FAR2: variants seen among roughly 807,000 people sequenced by gnomAD.
The protein encoded by FAR2 is epididymis secretory protein Li 81.
Under a neutral mutation model 56.0 loss-of-function variants are expected in FAR2, and 19 were observed. The ratio of observed to expected loss-of-function variants is 0.34; its 90% CI spans 0.24 to 0.50. FAR2 has a LOEUF of 0.50. FAR2 is among the 20% of genes least tolerant of loss of function. The pLI is 0.98. For missense variants in FAR2, 508 were observed against 642.2 expected (o/e 0.79, Z 2.26); for synonymous variants, 219 against 218.8 (o/e 1.00, Z -0.01).
intron 1 of FAR2, among the ~76,000 whole-genome samples, chr12:29,237,989 A>G (rs1947966814): frequency 6.6e-6 from 1 of 152,176 alleles, no homozygotes; most frequent in Non-Finnish European, 1.5e-5. Flanking sequence ...AACATTATGC[A>G]TGGGTAAAAT....
chr12:29,200,388 T>G (rs193203413), intron 1 of FAR2, among the ~76,000 whole-genome samples: 88 of 150,216 alleles, frequency 5.9e-4, no homozygotes, highest in Admixed American at 1.9e-3. Flanking sequence ...GAGAATAGAG[T>G]TTCAAAGCCG....
intron 1 of FAR2, among the ~76,000 whole-genome samples, chr12:29,211,475 T>G (rs1163817948): frequency 6.6e-6 from 1 of 152,182 alleles, no homozygotes; most frequent in African/African-American, 2.4e-5. Flanking sequence ...CCTAGCAAGT[T>G]AAGTATATCA....
intron 1 of FAR2, among the ~76,000 whole-genome samples, chr12:29,191,123 C>A (rs188216611): frequency 3.9e-5 from 6 of 152,306 alleles, no homozygotes; most frequent in Admixed American, 3.9e-4. Context: ...CTTTCCATAC[C>A]TAGCTGAAAA....
intron 1 of FAR2, among the ~76,000 whole-genome samples, chr12:29,240,201 A>C (rs1948005221): frequency 6.6e-6 from 1 of 152,210 alleles, no homozygotes; most frequent in African/African-American, 2.4e-5. Flanking sequence ...GACAGGTTGG[A>C]GTCAACCTTC....
chr12:29,215,848 AT>A (rs1260668648), intron 1 of FAR2, among the ~76,000 whole-genome samples: 31 of 152,182 alleles, frequency 2.0e-4, no homozygotes, highest in African/African-American at 7.0e-4. Context: ...TTAAAAGAGT[AT>A]AAGAACGATT....
intron 1 of FAR2, among the ~76,000 whole-genome samples, chr12:29,207,419 G>A (rs969373564): frequency 6.6e-6 from 1 of 152,156 alleles, no homozygotes; most frequent in African/African-American, 2.4e-5. Flanking sequence ...TAGTAGCCAG[G>A]AGGGGTCACC....
chr12:29,261,370 T>C (rs1327426147), intron 1 of FAR2, among the ~76,000 whole-genome samples: 1 of 152,042 alleles, frequency 6.6e-6, no homozygotes, highest in Non-Finnish European at 1.5e-5. Flanking sequence ...ACAGTTTATT[T>C]GGAAATACAC....
At chr12:29,162,561 A>G (rs1949790852) in intron 1 of FAR2, among the ~76,000 whole-genome samples, 1 of 152,220 alleles carries the variant, frequency 6.6e-6, no homozygotes, top group Non-Finnish European at 1.5e-5. Context: ...AAATAAATGC[A>G]TCCCCTTGGA....
intron 8 of FAR2, among the ~76,000 whole-genome samples, chr12:29,314,797 T>A (rs535482015): frequency 7.2e-5 from 11 of 152,252 alleles, no homozygotes; most frequent in East Asian, 1.9e-4. Context: ...TATTATTATT[T>A]TTTTACCTCA....
At chr12:29,300,558 A>G (rs1214470255) in intron 4 of FAR2, among the ~76,000 whole-genome samples, 1 of 152,140 alleles carries the variant, frequency 6.6e-6, no homozygotes, top group African/African-American at 2.4e-5. Flanking sequence ...TTATTTTCCA[A>G]GGTTTTTAGG....
rs538281958 is a variant in FAR2 at position 29,232,818 on chromosome 12, C to T, written c.-38-37594C>T. On this transcript the variant is annotated intron_variant, in intron 1 of 11. Transcript: ENST00000536681. ...ACACACACACACACACATACGCGCT[C>T]GCGCACACACACACACACACACACA... 2.0e-4 allele frequency among the ~76,000 whole-genome samples: 29 copies of T among 146,068 alleles called. 1 individual carries two copies. The highest frequency in any genetic ancestry group is 6.2e-4 in the African/African-American group (23 of 37,352).
intron 4 of FAR2, among the ~76,000 whole-genome samples, chr12:29,302,913 G>A (rs1949200482): frequency 6.6e-6 from 1 of 152,080 alleles, no homozygotes; most frequent in Admixed American, 6.6e-5. Context: ...AATAGGACAT[G>A]GCTACTGCTT....
intron 2 of FAR2, among the ~76,000 whole-genome samples, chr12:29,285,841 C>T (rs981936560): frequency 6.6e-6 from 1 of 152,008 alleles, no homozygotes; most frequent in African/African-American, 2.4e-5. Flanking sequence ...ATCACTTGAA[C>T]CTGGGAGGTG....
At chr12:29,332,515 C>T (rs1416371383) in intron 10 of FAR2, 85 bp from the exon 11 acceptor site, 13 of 1,573,480 alleles carry the variant, frequency 8.3e-6, no homozygotes, top group East Asian at 2.2e-5. Flanking sequence ...GAAGGTCACT[C>T]GTCTATGTAG....
chr12:29,223,327 C>A (rs1222209932), intron 1 of FAR2, among the ~76,000 whole-genome samples: 5 of 152,198 alleles, frequency 3.3e-5, no homozygotes, highest in African/African-American at 7.2e-5. Context: ...TCTGAGCAAA[C>A]ACATAAAACT....
chr12:29,161,024 T>A (rs1424395440), intron 1 of FAR2, among the ~76,000 whole-genome samples: 1 of 152,198 alleles, frequency 6.6e-6, no homozygotes, highest in African/African-American at 2.4e-5. Flanking sequence ...AACCACTTTC[T>A]GTGTACTAAA....
chr12:29,303,000 C>T (rs1949201992), intron 4 of FAR2, among the ~76,000 whole-genome samples: 1 of 152,140 alleles, frequency 6.6e-6, no homozygotes, highest in Admixed American at 6.5e-5. Flanking sequence ...TTTCTAGTAC[C>T]AGGGATTTAA....
At chr12:29,193,061 T>C (rs999467802) in intron 1 of FAR2, among the ~76,000 whole-genome samples, 1 of 152,172 alleles carries the variant, frequency 6.6e-6, no homozygotes, top group African/African-American at 2.4e-5. Flanking sequence ...AAAGCTGACC[T>C]TGAAATACCA....
chr12:29,326,659 T>G (rs1025266480), intron 10 of FAR2, among the ~76,000 whole-genome samples: 2 of 152,232 alleles, frequency 1.3e-5, no homozygotes, highest in Admixed American at 6.5e-5. Flanking sequence ...AACCACATGA[T>G]TAGCTCAATA....
Sources: allele counts gnomAD v4.1 joint callset (sites outside exome capture counted in the v4.1 genomes callset), GRCh38; gene constraint gnomAD v4.1.1; transcripts MANE v1.5; gene names NCBI Gene and HGNC (gene_info 2026-07-23, HGNC 2026-07-21).